The following PGM1 variants were observed in gnomAD, a reference collection of about 807,000 sequenced individuals.
The protein encoded by PGM1 is phosphoglucomutase 1.
Under a neutral mutation model 55.6 loss-of-function variants are expected in PGM1, and 52 were observed. That is an observed-to-expected ratio of 0.94 (90% confidence interval 0.75 to 1.18). The LOEUF (loss-of-function observed/expected upper bound fraction) is 1.18, where lower values mean the gene tolerates loss of function less well. Among genes scored for constraint, PGM1 ranks in the 50% most tolerant of loss-of-function variants. The pLI, the probability that PGM1 is intolerant of heterozygous loss-of-function variation, is 0.00. For missense variants in PGM1, 724 were observed against 729.3 expected (o/e 0.99, Z 0.08); for synonymous variants, 287 against 271.7 (o/e 1.06, Z -0.55).
chr1:63,654,777 A>T (rs1180034522), intron 10 of PGM1, among the ~76,000 whole-genome samples: 1 of 152,052 alleles, frequency 6.6e-6, no homozygotes, highest in Non-Finnish European at 1.5e-5. Context: ...TTAATTAATT[A>T]AAAATAAAAA....
At chr1:63,623,022 A>C (rs1648923792) in intron 1 of PGM1, 1 of 165,758 alleles carries the variant, frequency 6.0e-6, no homozygotes, top group African/African-American at 2.4e-5. Context: ...TCTTGTTCAC[A>C]AATCTGCTTC....
chr1:63,636,763 G>T (rs754280612), intron 6 of PGM1, among the ~76,000 whole-genome samples: 3 of 152,120 alleles, frequency 2.0e-5, no homozygotes, highest in Admixed American at 2.0e-4. Flanking sequence ...ACACATACAC[G>T]TATAATTTTT....
intron 1 of PGM1, among the ~76,000 whole-genome samples, chr1:63,604,637 A>G (rs956574258): frequency 6.6e-6 from 1 of 152,188 alleles, no homozygotes; most frequent in Admixed American, 6.5e-5. Context: ...GTTACCTTAA[A>G]GAAGAGAAGG....
At position 63,593,453 on chromosome 1, in the gene PGM1, G is replaced by A. The variant is rs374061676; in HGVS notation, c.-36G>A. On this transcript the variant is annotated 5_prime_UTR_variant, in exon 1 of 11. Coordinates refer to ENST00000371084, the MANE Select transcript of PGM1 (RefSeq NM_002633.3). ...AGCCGGCCGCCCCTCCGCCAGCCAA[G>A]TCCGCCGCTCTGACCCCCGGCAGCA... 7 of 1,612,356 alleles carry A rather than the reference G, an allele frequency of 4.3e-6. No homozygotes were observed. Among genetic ancestry groups the A allele is most frequent in the African/African-American group, 4.0e-5 (3 of 74,848 alleles).
intron 1 of PGM1, among the ~76,000 whole-genome samples, chr1:63,594,788 C>CAAAA (rs34661751): frequency 1.1e-5 from 1 of 90,526 alleles, no homozygotes; most frequent in Non-Finnish European, 2.1e-5. Context: ...CTAAAAAATA[C>CAAAA]AAAAAAAAAA....
intron 4 of PGM1, among the ~76,000 whole-genome samples, chr1:63,633,018 G>A (rs530678321): frequency 1.6e-4 from 25 of 152,026 alleles, no homozygotes; most frequent in Admixed American, 7.9e-4. Context: ...GCAAGACTCC[G>A]TCTCAAAAAA....
At chr1:63,619,506 C>T (rs1211418961) in intron 1 of PGM1, among the ~76,000 whole-genome samples, 1 of 152,208 alleles carries the variant, frequency 6.6e-6, no homozygotes, top group Non-Finnish European at 1.5e-5. Context: ...GGATGGGACC[C>T]TTTTTGCAAG....
intron 3 of PGM1, among the ~76,000 whole-genome samples, 197 bp downstream of exon 3, chr1:63,630,285 G>A (rs190138537): frequency 6.6e-6 from 1 of 152,294 alleles, no homozygotes; most frequent in Admixed American, 6.5e-5. Flanking sequence ...GGCCCTGCCA[G>A]GGATCAGCTG....
chr1:63,656,084 G>A (rs1649957053), intron 10 of PGM1: 1 of 152,226 alleles, frequency 6.6e-6, no homozygotes, highest in Non-Finnish European at 1.5e-5. Flanking sequence ...AGGGTGCTGA[G>A]AAGACTTGCA....
chr1:63,610,666 T>C lies in PGM1; in HGVS notation c.246+16932T>C, dbSNP rs542657419. Reference sequence around the variant, plus strand: ...ATTACCCCCTCATTTTAACTTCTCTTCTTCCCAGATTTGCCAATGACCTGT... The same window carrying C: ...ATTACCCCCTCATTTTAACTTCTCTCCTTCCCAGATTTGCCAATGACCTGT... On this transcript the variant is annotated intron_variant, in intron 1 of 10. Coordinates refer to ENST00000371084, the MANE Select transcript of PGM1 (RefSeq NM_002633.3). Among the ~76,000 whole-genome samples, 7 of 152,350 alleles carry C rather than the reference T, an allele frequency of 4.6e-5. No homozygotes were observed. In the South Asian group the frequency reaches 1.2e-3, roughly 27 times the overall value.
Position 63,631,788 on chromosome 1 carries a change from C to A in PGM1, c.682+6C>A. ...TATTGATGCTATGCATGGAGGTATA[C>A]AATCATTTCTTTTCAATTCCCATCT... On this transcript the variant is annotated splice_donor_region_variant and intron_variant, in intron 4 of 10. Coordinates refer to ENST00000371084, the MANE Select transcript of PGM1 (RefSeq NM_002633.3). 1.2e-6 allele frequency: 2 copies of A among 1,613,552 alleles called. No homozygotes were observed. Among genetic ancestry groups the A allele is most frequent in the Non-Finnish European group, 1.7e-6 (2 of 1,179,566 alleles).
intron 5 of PGM1, 23 bp downstream of exon 5, chr1:63,635,042 G>A: frequency 4.4e-6 from 7 of 1,601,394 alleles, no homozygotes; most frequent in Non-Finnish European, 6.0e-6. Context: ...GCATTTAAGT[G>A]AACTCTGGTG....
intron 9 of PGM1, among the ~76,000 whole-genome samples, 167 bp downstream of exon 9, chr1:63,652,019 T>C (rs1305848136): frequency 6.6e-6 from 1 of 152,214 alleles, no homozygotes; most frequent in Non-Finnish European, 1.5e-5. Context: ...GACTCTCACA[T>C]GCACTCGTTG....
At chr1:63,614,722 A>G (rs1205741837) in intron 1 of PGM1, among the ~76,000 whole-genome samples, 1 of 151,956 alleles carries the variant, frequency 6.6e-6, no homozygotes, top group African/African-American at 2.4e-5. Context: ...CATCTCCACA[A>G]TCTACCTGAC....
rs772697173 is a variant in PGM1 at position 63,648,638 on chromosome 1, G to A, written c.1266G>A (p.Arg422=). 1.2e-6 allele frequency: 2 copies of A among 1,614,008 alleles called. No homozygotes were observed. Among genetic ancestry groups the A allele is most frequent in the South Asian group, 2.2e-5 (2 of 91,076 alleles). The change falls in exon 8 of 11, where the codon CGG becomes CGA. Residue 422 remains arginine (R), a synonymous_variant. Transcript: ENST00000371084. ...AAGATCATTGGCAAAAGTATGGCCGGAATTTCTTCACCAGGTGAGCCACAG... is the reference window on the plus strand; with the variant it reads ...AAGATCATTGGCAAAAGTATGGCCGAAATTTCTTCACCAGGTGAGCCACAG... ...ILKDHWQKYG[R]NFFTRYDYEE... is the part of the protein sequence containing the mutation.
chr1:63,612,818 C>T (rs760236985), intron 1 of PGM1, among the ~76,000 whole-genome samples: 1 of 152,200 alleles, frequency 6.6e-6, no homozygotes, highest in African/African-American at 2.4e-5. Flanking sequence ...CTGTTGTAGA[C>T]ACCTTGTGCT....
At chr1:63,613,450 T>C (rs1648622291) in intron 1 of PGM1, among the ~76,000 whole-genome samples, 1 of 151,978 alleles carries the variant, frequency 6.6e-6, no homozygotes, top group Non-Finnish European at 1.5e-5. Flanking sequence ...TCCTTGCCTC[T>C]TCCTAGCTTC....
chr1:63,610,308 A>G (rs2100965580), intron 1 of PGM1, among the ~76,000 whole-genome samples: 2 of 152,324 alleles, frequency 1.3e-5, no homozygotes, highest in South Asian at 4.1e-4. Context: ...CTTGCCAAAA[A>G]CAAATCTCTA....
chr1:63,604,838 T>C (rs975862284), intron 1 of PGM1, among the ~76,000 whole-genome samples: 4 of 151,832 alleles, frequency 2.6e-5, no homozygotes, highest in Non-Finnish European at 4.4e-5. Context: ...TGTGTAAAGT[T>C]AAAGACAAAT....
Sources: allele counts gnomAD v4.1 joint callset (sites outside exome capture counted in the v4.1 genomes callset), GRCh38; gene constraint gnomAD v4.1.1; transcripts MANE v1.5; gene names NCBI Gene and HGNC (gene_info 2026-07-23, HGNC 2026-07-21).